Variants in CSNK2A2IP observed in about 807,000 individuals in gnomAD.
The protein encoded by CSNK2A2IP is casein kinase II subunit alpha'-interacting protein.
At chr3:88,446,856 T>C in the CSNK2A2IP span, among the ~76,000 whole-genome samples, 1 of 152,240 alleles carries the variant, frequency 6.6e-6, no homozygotes, top group Non-Finnish European at 1.5e-5. Flanking sequence ...TGATGGTCCT[T>C]ATAATTAACA....
At chr3:88,407,792 C>T in the CSNK2A2IP span, among the ~76,000 whole-genome samples, 1,429 of 152,078 alleles carry the variant, frequency 9.4e-3, 12 homozygotes, top group African/African-American at 0.03. Context: ...GGCGCGATCT[C>T]GGCTCACTGC....
chr3:88,441,615 T>A, the CSNK2A2IP span, among the ~76,000 whole-genome samples: 3 of 152,322 alleles, frequency 2.0e-5, no homozygotes, highest in South Asian at 6.2e-4. Flanking sequence ...AAATGTGATA[T>A]AAGTTAGAAG....
At chr3:88,463,106 TG>T in the CSNK2A2IP span, among the ~76,000 whole-genome samples, 6 of 152,214 alleles carry the variant, frequency 3.9e-5, no homozygotes, top group African/African-American at 9.6e-5. Flanking sequence ...TTGGGTAAGT[TG>T]GCATGTATAA....
the CSNK2A2IP span, among the ~76,000 whole-genome samples, chr3:88,418,463 T>TGTGTGTGTGCGCGC: frequency 5.7e-4 from 86 of 149,630 alleles, 1 homozygote; most frequent in East Asian, 1.6e-3. Context: ...TGTGTGTGTG[T>TGTGTGTGTGCGCGC]GCGCGCGGGC....
chr3:88,460,049 A>G, the CSNK2A2IP span, among the ~76,000 whole-genome samples: 2 of 152,130 alleles, frequency 1.3e-5, no homozygotes, highest in African/African-American at 2.4e-5. Flanking sequence ...CAAACGGATA[A>G]TTTTTCTATA....
chr3:88,418,464 G>GTGTGTGTGTGCGCA, the CSNK2A2IP span, among the ~76,000 whole-genome samples: 5 of 36,822 alleles, frequency 1.4e-4, no homozygotes, highest in African/African-American at 4.8e-4. Context: ...GTGTGTGTGT[G>GTGTGTGTGTGCGCA]CGCGCGGGCG....
the CSNK2A2IP span, among the ~76,000 whole-genome samples, chr3:88,397,395 A>G: frequency 6.6e-6 from 1 of 152,166 alleles, no homozygotes; most frequent in Non-Finnish European, 1.5e-5. Flanking sequence ...TTGTAACATT[A>G]TTCATCTTTT....
the CSNK2A2IP span, among the ~76,000 whole-genome samples, chr3:88,384,325 T>C: frequency 0.067 from 10,170 of 151,660 alleles, 986 homozygotes; most frequent in African/African-American, 0.21. Flanking sequence ...CTGACTTTCT[T>C]TCTCCCTCTC....
At chr3:88,385,233 C>T in the CSNK2A2IP span, among the ~76,000 whole-genome samples, 142,903 of 152,140 alleles carry the variant, frequency 0.94, 67,685 homozygotes, top group Non-Finnish European at 1. Flanking sequence ...AATGAAAGAG[C>T]GGTGAGGCGG....
At chr3:88,369,605 A>T in the CSNK2A2IP span, among the ~76,000 whole-genome samples, 1 of 151,910 alleles carries the variant, frequency 6.6e-6, no homozygotes, top group Admixed American at 6.6e-5. Context: ...ACCACCAAAG[A>T]GCTGAAATGA....
the CSNK2A2IP span, among the ~76,000 whole-genome samples, chr3:88,424,880 C>G: frequency 6.6e-6 from 1 of 151,076 alleles, no homozygotes; most frequent in Non-Finnish European, 1.5e-5. Flanking sequence ...TTTTAAGAAA[C>G]AAGTTATTAA....
chr3:88,418,992 T>C, the CSNK2A2IP span, among the ~76,000 whole-genome samples: 1 of 152,210 alleles, frequency 6.6e-6, no homozygotes, highest in African/African-American at 2.4e-5. Context: ...GAACTGTGCA[T>C]GTAGGGGATC....
chr3:88,446,066 C>T, the CSNK2A2IP span, among the ~76,000 whole-genome samples: 5 of 108,472 alleles, frequency 4.6e-5, no homozygotes, highest in Admixed American at 2.9e-4. Flanking sequence ...TTCTTTCTTT[C>T]TTTCTTTCTT....
chr3:88,343,741 T>C, the CSNK2A2IP span, among the ~76,000 whole-genome samples: 1 of 151,928 alleles, frequency 6.6e-6, no homozygotes, highest in Non-Finnish European at 1.5e-5. Context: ...CAAAAATCTG[T>C]ATGTCTTTCA....
At chr3:88,343,710 A>G in the CSNK2A2IP span, among the ~76,000 whole-genome samples, 66,512 of 151,802 alleles carry the variant, frequency 0.44, 15,828 homozygotes, top group South Asian at 0.62. Flanking sequence ...TCACTAAACA[A>G]AAGTCATTGG....
the CSNK2A2IP span, among the ~76,000 whole-genome samples, chr3:88,445,186 T>G: frequency 6.7e-6 from 1 of 149,198 alleles, no homozygotes; most frequent in East Asian, 2.0e-4. Flanking sequence ...TTCTGCACTT[T>G]GGGACGCTGA....
the CSNK2A2IP span, chr3:88,465,674 A>G: frequency 8.1e-6 from 10 of 1,231,684 alleles, no homozygotes; most frequent in African/African-American, 3.1e-5. Context: ...ATAGGCCTCC[A>G]CTGGAGAAGT....
At chr3:88,364,294 G>C in the CSNK2A2IP span, among the ~76,000 whole-genome samples, 1 of 151,654 alleles carries the variant, frequency 6.6e-6, no homozygotes, top group African/African-American at 2.4e-5. Flanking sequence ...TTTGGAGGGC[G>C]TATTGCTTCA....
the CSNK2A2IP span, chr3:88,466,577 A>G: frequency 8.1e-7 from 1 of 1,231,704 alleles, no homozygotes; most frequent in Non-Finnish European, 1.0e-6. Context: ...ACAGAATCAA[A>G]TAAAGAAATT....
Sources: allele counts gnomAD v4.1 joint callset (sites outside exome capture counted in the v4.1 genomes callset), GRCh38; gene constraint gnomAD v4.1.1; transcripts MANE v1.5; gene names NCBI Gene and HGNC (gene_info 2026-07-23, HGNC 2026-07-21).